GNG4: variants seen among roughly 807,000 people sequenced by gnomAD.
GNG4 encodes the protein G protein subunit gamma 4.
In GNG4, 4 loss-of-function variants were observed where a neutral mutation model predicts 5.8. The ratio of observed to expected loss-of-function variants is 0.69; its 90% CI spans 0.34 to 1.57. The LOEUF (loss-of-function observed/expected upper bound fraction) is 1.57, where lower values mean the gene tolerates loss of function less well. Ranked by LOEUF, GNG4 falls within the 40% of genes most tolerant of loss-of-function variation. The pLI is 0.06. For synonymous variants in GNG4, 29 were observed against 32.9 expected (o/e 0.88, Z 0.41); for missense variants, 96 against 95.1 (o/e 1.01, Z -0.04).
chr1:235,615,954 A>G (rs1387275232), intron 1 of GNG4: 7 of 307,160 alleles, frequency 2.3e-5, no homozygotes, highest in Non-Finnish European at 4.4e-5. Flanking sequence ...GGCCTGGGTG[A>G]TCACCCTAAG....
intron 1 of GNG4, among the ~76,000 whole-genome samples, chr1:235,629,602 T>C (rs1688893146): frequency 7.2e-6 from 1 of 138,286 alleles, no homozygotes; most frequent in Non-Finnish European, 1.5e-5. Flanking sequence ...CTTTCTTTCT[T>C]TTTTTTTTTT....
intron 2 of GNG4, among the ~76,000 whole-genome samples, chr1:235,589,289 A>G (rs1409085594): frequency 6.6e-6 from 1 of 152,148 alleles, no homozygotes; most frequent in Non-Finnish European, 1.5e-5. Context: ...AGGGGGAGCC[A>G]GGGCACAGCA....
intron 1 of GNG4, among the ~76,000 whole-genome samples, chr1:235,602,392 C>T (rs188294522): frequency 3.5e-4 from 53 of 152,292 alleles, no homozygotes; most frequent in African/African-American, 8.9e-4. Flanking sequence ...AGAAACAAAA[C>T]GGAAAGAGCC....
At position 235,642,313 on chromosome 1, in the gene GNG4, C is replaced by CTTGGG. The variant is rs1424990414; in HGVS notation, c.-123+7344_-123+7348dup. On this transcript the variant is annotated intron_variant, in intron 1 of 3. Transcript: ENST00000391854. The surrounding 1 kb of genome is among the most constrained non-coding windows in gnomAD (Gnocchi z 4.3). ...GCCCTCCGCCTCGAGGCCACTGGTGCTTGGGGGTGGGAAAAGAGTGACCGG... is the reference window on the plus strand; with the variant it reads ...GCCCTCCGCCTCGAGGCCACTGGTGCTTGGGTTGGGGGTGGGAAAAGAGTGACCGG... Among the ~76,000 whole-genome samples the CTTGGG allele has an allele frequency of 6.6e-6, 1 of 152,172 alleles. No homozygotes were observed. The highest frequency in any genetic ancestry group is 1.9e-4 in the East Asian group (1 of 5,184).
At chr1:235,615,756 G>A (rs537390330) in intron 1 of GNG4, 301 of 253,114 alleles carry the variant, frequency 1.2e-3, no homozygotes, top group Non-Finnish European at 1.6e-3. Context: ...GGAGGAGGGG[G>A]GTGATGGAGA....
At chr1:235,634,037 T>G (rs1385437204) in intron 1 of GNG4, among the ~76,000 whole-genome samples, 1 of 152,116 alleles carries the variant, frequency 6.6e-6, no homozygotes, top group Non-Finnish European at 1.5e-5. Context: ...CAGAGAGAGC[T>G]CAGATTGGGG....
intron 1 of GNG4, among the ~76,000 whole-genome samples, chr1:235,636,882 C>T (rs578161475): frequency 3.9e-5 from 6 of 152,094 alleles, no homozygotes; most frequent in Non-Finnish European, 7.4e-5. Flanking sequence ...AAGAGGATAC[C>T]CTAGGAACAG....
Position 235,648,440 on chromosome 1 carries a change from A to G in GNG4, c.-123+1222T>C, listed in dbSNP as rs997975260. 1.1e-4 allele frequency among the ~76,000 whole-genome samples: 17 copies of G among 152,278 alleles called. No homozygotes were observed. Among genetic ancestry groups the G allele is most frequent in the Admixed American group, 2.6e-4 (4 of 15,300 alleles). ...GCTGGAAAAGGCTTTCCATTTATCA[A>G]CTTAGTTGTCCCCCCAGTCGCCTCT... On this transcript the variant is annotated intron_variant, in intron 1 of 3. Coordinates refer to ENST00000391854, the MANE Select transcript of GNG4 (RefSeq NM_001098722.2). This position sits in a 1 kb window ranked among gnomAD's most constrained non-coding sequence, Gnocchi z 5.0.
intron 3 of GNG4, among the ~76,000 whole-genome samples, chr1:235,564,353 A>G (rs1687142187): frequency 6.6e-6 from 1 of 152,168 alleles, no homozygotes; most frequent in Non-Finnish European, 1.5e-5. Context: ...GGGGGATGAA[A>G]TCACTGGTGC....
intron 2 of GNG4, among the ~76,000 whole-genome samples, chr1:235,587,832 G>GT (rs1687858593): frequency 4.1e-5 from 6 of 147,642 alleles, no homozygotes; most frequent in Non-Finnish European, 9.1e-5. Context: ...CTCAGAGCAT[G>GT]CGGGGTGAAC....
chr1:235,567,851 G>A (rs917866512), intron 3 of GNG4, among the ~76,000 whole-genome samples: 2 of 152,092 alleles, frequency 1.3e-5, no homozygotes, highest in Non-Finnish European at 2.9e-5. Flanking sequence ...TGTCTCACCC[G>A]ATCCCATTTC....
chr1:235,638,555 A>G (rs10754710), intron 1 of GNG4, among the ~76,000 whole-genome samples: 105,142 of 151,368 alleles, frequency 0.69, 37,008 homozygotes, highest in East Asian at 0.89. Context: ...TGTTACATAG[A>G]TATACGTGTG....
At chr1:235,624,898 C>T (rs1292928497) in intron 1 of GNG4, among the ~76,000 whole-genome samples, 3 of 152,178 alleles carry the variant, frequency 2.0e-5, no homozygotes, top group African/African-American at 7.2e-5. Flanking sequence ...TGGTAAATTG[C>T]AGCTTGTGGG....
intron 3 of GNG4, among the ~76,000 whole-genome samples, chr1:235,581,708 AT>A (rs1332280417): frequency 1.3e-5 from 2 of 152,032 alleles, no homozygotes; most frequent in Non-Finnish European, 2.9e-5. Context: ...CCACAGGCCA[AT>A]TAAATCTCTT....
upstream of GNG4, among the ~76,000 whole-genome samples, chr1:235,650,171 G>C (rs898740012): frequency 1.0e-4 from 15 of 150,106 alleles, no homozygotes; most frequent in African/African-American, 3.7e-4. Context: ...TCCCAGCAAA[G>C]GGCCGCGCCC....
chr1:235,634,889 G>T (rs1291922793), intron 1 of GNG4, among the ~76,000 whole-genome samples: 3 of 152,194 alleles, frequency 2.0e-5, no homozygotes, highest in South Asian at 2.1e-4. Context: ...AGCCAAGATG[G>T]TGCCATTGCA....
intron 3 of GNG4, among the ~76,000 whole-genome samples, chr1:235,557,695 C>T (rs980016519): frequency 5.3e-5 from 8 of 152,128 alleles, no homozygotes; most frequent in African/African-American, 1.4e-4. Flanking sequence ...CTCAAGGGGG[C>T]GCCTCACTGG....
intron 2 of GNG4, among the ~76,000 whole-genome samples, chr1:235,590,474 G>C (rs1411826483): frequency 6.6e-6 from 1 of 152,006 alleles, no homozygotes; most frequent in East Asian, 1.9e-4. Flanking sequence ...AAGGTGGAGA[G>C]GTAACCACAG....
At chr1:235,618,390 C>T (rs573490158) in intron 1 of GNG4, among the ~76,000 whole-genome samples, 2 of 152,328 alleles carry the variant, frequency 1.3e-5, no homozygotes, top group South Asian at 2.1e-4. Context: ...TCTGTAAAAC[C>T]GTGGGCCAGC....
Sources: gnomAD v4.1 joint callset for allele counts (sites outside exome capture counted in the v4.1 genomes callset) on GRCh38, gnomAD v4.1.1 for gene constraint, Gnocchi (gnomAD v3.1) non-coding constraint, MANE v1.5 for transcripts, NCBI Gene and HGNC (gene_info 2026-07-23, HGNC 2026-07-21) for gene names.